The following CSMD2 variants were observed in gnomAD, a reference collection of about 807,000 sequenced individuals.
CSMD2 encodes CUB and Sushi multiple domains 2.
A neutral mutation model predicts 398.5 loss-of-function variants in CSMD2; 130 were observed. That is an observed-to-expected ratio of 0.33 (90% CI 0.28 to 0.38). CSMD2 has a LOEUF of 0.38. Ranked by LOEUF, CSMD2 falls within the 10% of genes least tolerant of loss-of-function variation. CSMD2 has a pLI of 1.00. For synonymous variants in CSMD2, 1,828 were observed against 1,908.5 expected, an observed-to-expected ratio of 0.96 and a Z score of 1.10; for missense variants, 3,829 against 4,764.9, an observed-to-expected ratio of 0.80 and a Z score of 5.78.
intron 3 of CSMD2, among the ~76,000 whole-genome samples, chr1:33,937,194 T>C (rs1323258382): frequency 1.3e-5 from 2 of 152,240 alleles, no homozygotes; most frequent in Non-Finnish European, 2.9e-5. Flanking sequence ...CAAGTGAATC[T>C]AACCCTCGGT....
chr1:33,694,606 C>T (rs569157541), intron 24 of CSMD2, among the ~76,000 whole-genome samples: 3 of 152,160 alleles, frequency 2.0e-5, no homozygotes, highest in Admixed American at 1.3e-4. Flanking sequence ...CCTGCTTCCC[C>T]TTCCGCCATG....
intron 5 of CSMD2, among the ~76,000 whole-genome samples, chr1:33,890,423 G>T (rs897402095): frequency 6.6e-6 from 1 of 151,818 alleles, no homozygotes; most frequent in Non-Finnish European, 1.5e-5. Flanking sequence ...GTAGAGACGG[G>T]GTTTCACCAT....
intron 53 of CSMD2, among the ~76,000 whole-genome samples, chr1:33,563,349 T>C (rs1658749140): frequency 1.3e-5 from 2 of 151,764 alleles, no homozygotes; most frequent in South Asian, 4.2e-4. Flanking sequence ...CAGAGACTGG[T>C]GGAGGGATTA....
At chr1:33,692,478 T>C (rs1013856277) in intron 25 of CSMD2, among the ~76,000 whole-genome samples, 2 of 152,222 alleles carry the variant, frequency 1.3e-5, no homozygotes, top group Admixed American at 1.3e-4. Flanking sequence ...CCACAGCAAC[T>C]GTTATTAAAT....
At chr1:33,969,081 C>T (rs980157711) in intron 3 of CSMD2, among the ~76,000 whole-genome samples, 5 of 152,068 alleles carry the variant, frequency 3.3e-5, no homozygotes, top group South Asian at 2.1e-4. Flanking sequence ...ATCATTGAAA[C>T]GGTGGGAGTC....
In CSMD2 at chr1:34,055,117, T is replaced by C. The variant is rs934479695; in HGVS notation, c.405-22411A>G. ...CCCTTTGTAATCTGGCCTCTGCTGC[T>C]TCTCCCAGCAGTCATCCACTCTCTC... On this transcript the variant is annotated intron_variant, in intron 2 of 70. Coordinates refer to ENST00000373381, the MANE Select transcript of CSMD2 (RefSeq NM_001281956.2). 3.7e-4 allele frequency among the ~76,000 whole-genome samples: 57 copies of C among 152,200 alleles called. 1 individual carries two copies. Among genetic ancestry groups the C allele is most frequent in the African/African-American group, 1.3e-3 (54 of 41,530 alleles).
chr1:33,804,654 A>C (rs1437116919), intron 10 of CSMD2: 5 of 714,946 alleles, frequency 7.0e-6, no homozygotes, highest in Admixed American at 6.0e-5. Flanking sequence ...CATCTCATAA[A>C]ACATACTGTG....
chr1:33,608,201 A>G (rs10914752), intron 41 of CSMD2, among the ~76,000 whole-genome samples: 37,197 of 151,956 alleles, frequency 0.24, 5,808 homozygotes, highest in African/African-American at 0.44. Context: ...TCTTCTGTCG[A>G]GGGAGTCAAT....
intron 13 of CSMD2, among the ~76,000 whole-genome samples, chr1:33,751,531 G>A: frequency 6.6e-6 from 1 of 152,196 alleles, no homozygotes; most frequent in Non-Finnish European, 1.5e-5. Flanking sequence ...AATGAACACA[G>A]CAAGGGTACA....
chr1:33,844,810 C>T (rs1045764772), intron 6 of CSMD2, among the ~76,000 whole-genome samples: 4 of 152,178 alleles, frequency 2.6e-5, no homozygotes, highest in Non-Finnish European at 1.5e-5. Context: ...CCTCTTTATA[C>T]ACTGGCGCAC....
chr1:33,991,249 C>T lies in CSMD2; in HGVS notation c.517+41345G>A, dbSNP rs577448885. Reference sequence around the variant, plus strand: ...ATGGAACTCCTGGCCTCAAGCAATCCTCCTGCCTCAGCCTCCCAAAGTGCT... The same window carrying T: ...ATGGAACTCCTGGCCTCAAGCAATCTTCCTGCCTCAGCCTCCCAAAGTGCT... On this transcript the variant is annotated intron_variant, in intron 3 of 70. Coordinates refer to ENST00000373381, the MANE Select transcript of CSMD2 (RefSeq NM_001281956.2). Among the ~76,000 whole-genome samples, 263 of 152,260 alleles carry T rather than the reference C, an allele frequency of 1.7e-3. 1 individual carries two copies. The highest frequency in any genetic ancestry group is 2.6e-3 in the Non-Finnish European group (176 of 68,006).
intron 19 of CSMD2, among the ~76,000 whole-genome samples, chr1:33,722,644 T>C (rs935157205): frequency 6.6e-6 from 1 of 152,212 alleles, no homozygotes. Context: ...GAACTCTTTG[T>C]GTGTCTGGTT....
At chr1:33,898,274 A>C (rs1054829848) in intron 5 of CSMD2, among the ~76,000 whole-genome samples, 2 of 152,230 alleles carry the variant, frequency 1.3e-5, no homozygotes, top group Non-Finnish European at 2.9e-5. Flanking sequence ...CAGACTCCGA[A>C]GAGATAAAGC....
At chr1:33,903,712 A>T (rs527292408) in intron 5 of CSMD2, among the ~76,000 whole-genome samples, 1 of 152,344 alleles carries the variant, frequency 6.6e-6, no homozygotes, top group African/African-American at 2.4e-5. Flanking sequence ...AAAAAGAAAT[A>T]CGTAAGTAAG....
chr1:33,600,990 G>A lies in CSMD2; in HGVS notation c.6731C>T (p.Ala2244Val). The part of the protein sequence containing the change: ...ITIWDGPQQT[A>V]PRLGVFTRSM... ...CCGGGTGAAGACGCCGAGCCGTGGTGCTGTTTGCTGTGGCCCATCCCTGTA... is the reference window on the plus strand; with the variant it reads ...CCGGGTGAAGACGCCGAGCCGTGGTACTGTTTGCTGTGGCCCATCCCTGTA... The change falls in exon 44 of 71, where the codon GCA becomes GTA. Residue 2244 changes from alanine to valine, a missense_variant. This residue lies in a region of CSMD2 where 723 missense variants were observed against 758.6 expected (regional missense o/e 0.95). Coordinates refer to ENST00000373381, the MANE Select transcript of CSMD2 (RefSeq NM_001281956.2). The A allele has an allele frequency of 1.2e-6, 2 of 1,614,196 alleles. No homozygotes were observed. The highest frequency in any genetic ancestry group is 1.3e-5 in the African/African-American group (1 of 75,038).
chr1:34,045,288 G>A (rs1282166941), intron 2 of CSMD2, among the ~76,000 whole-genome samples: 3 of 152,098 alleles, frequency 2.0e-5, no homozygotes, highest in African/African-American at 7.2e-5. Flanking sequence ...TGGAGCTGAG[G>A]CTGTAGCTAC....
At chr1:33,536,878 G>GAA (rs1655845194) in intron 62 of CSMD2, 144 bp downstream of exon 62, 2 of 720,564 alleles carry the variant, frequency 2.8e-6, no homozygotes, top group Non-Finnish European at 4.7e-6. Context: ...ACTGTTCAAA[G>GAA]AGGCAGAGGG....
chr1:33,588,723 C>T (rs1639244673), intron 44 of CSMD2, among the ~76,000 whole-genome samples: 1 of 152,348 alleles, frequency 6.6e-6, no homozygotes, highest in East Asian at 1.9e-4. Context: ...GTACCATCCA[C>T]ATCCAGTGCG....
chr1:33,707,252 A>C (rs1247958694), intron 22 of CSMD2, among the ~76,000 whole-genome samples: 3 of 152,154 alleles, frequency 2.0e-5, no homozygotes, highest in African/African-American at 7.2e-5. Context: ...TACTCCCTTC[A>C]AAACCTGAAA....
Sources: allele counts gnomAD v4.1 joint callset (sites outside exome capture counted in the v4.1 genomes callset), GRCh38; gene constraint gnomAD v4.1.1; regional missense constraint gnomAD v4.1.1; transcripts MANE v1.5; gene names NCBI Gene and HGNC (gene_info 2026-07-23, HGNC 2026-07-21).